MECOM: variants seen among roughly 807,000 people sequenced by gnomAD.
MECOM encodes histone-lysine N-methyltransferase MECOM.
In MECOM, 13 loss-of-function variants were observed where a neutral mutation model predicts 116.3. The ratio of observed to expected loss-of-function variants is 0.11; its 90% confidence interval spans 0.07 to 0.18. The LOEUF is 0.18. Among genes scored for constraint, MECOM ranks in the 10% least tolerant of loss-of-function variants. The pLI, the probability that MECOM is intolerant of heterozygous loss-of-function variation, is 1.00. For missense variants in MECOM, 1,299 were observed against 1,509.0 expected (o/e 0.86, Z 2.31); for synonymous variants, 528 against 535.2 (o/e 0.99, Z 0.19).
At chr3:169,441,741 TTTTAAAAAA>T (rs1743724407) in intron 1 of MECOM, among the ~76,000 whole-genome samples, 1 of 144,136 alleles carries the variant, frequency 6.9e-6, no homozygotes, top group Non-Finnish European at 1.6e-5. Context: ...TTTTTTTTTT[TTTTAAAAAA>T]GGGGGGGTCT....
At chr3:169,344,344 T>A (rs1034332311) in intron 2 of MECOM, among the ~76,000 whole-genome samples, 1 of 152,178 alleles carries the variant, frequency 6.6e-6, no homozygotes, top group Non-Finnish European at 1.5e-5. Flanking sequence ...TAGAGCTAAA[T>A]GTAAACCTTC....
chr3:169,156,121 T>C (rs185450863), intron 2 of MECOM, among the ~76,000 whole-genome samples: 3 of 152,306 alleles, frequency 2.0e-5, no homozygotes, highest in Admixed American at 2.0e-4. Context: ...TCCCTGGAAA[T>C]TGGCTCTGAG....
At chr3:169,479,745 G>A (rs889196225) in intron 1 of MECOM, among the ~76,000 whole-genome samples, 4 of 150,674 alleles carry the variant, frequency 2.7e-5, no homozygotes, top group Non-Finnish European at 5.9e-5. Flanking sequence ...TAAAACTCAT[G>A]CCTAATGTCT....
chr3:169,106,350 G>A (rs912631184), intron 10 of MECOM, among the ~76,000 whole-genome samples: 2 of 152,056 alleles, frequency 1.3e-5, no homozygotes, highest in Non-Finnish European at 2.9e-5. Context: ...TGGGATACAT[G>A]AGATGTTTTC....
chr3:169,346,693 A>G (rs1430857943), intron 2 of MECOM, among the ~76,000 whole-genome samples: 1 of 151,668 alleles, frequency 6.6e-6, no homozygotes, highest in Non-Finnish European at 1.5e-5. Context: ...GCTTAACCTC[A>G]CTCTTACTAT....
intron 2 of MECOM, among the ~76,000 whole-genome samples, chr3:169,265,800 A>G (rs1406338169): frequency 2.0e-5 from 3 of 152,226 alleles, no homozygotes; most frequent in African/African-American, 4.8e-5. Flanking sequence ...CTAATTCTCT[A>G]TAATCCTTTC....
At chr3:169,614,054 ATTC>A (rs763550715) in intron 1 of MECOM, among the ~76,000 whole-genome samples, 3 of 151,590 alleles carry the variant, frequency 2.0e-5, no homozygotes, top group Non-Finnish European at 1.5e-5. Context: ...TCACCATAAG[ATTC>A]TTCATTCACT....
At chr3:169,206,126 A>G (rs765690669) in intron 2 of MECOM, among the ~76,000 whole-genome samples, 1 of 152,134 alleles carries the variant, frequency 6.6e-6, no homozygotes, top group Non-Finnish European at 1.5e-5. Flanking sequence ...AATCTCATCC[A>G]GAGAATATCT....
intron 2 of MECOM, among the ~76,000 whole-genome samples, chr3:169,267,728 A>G (rs999009334): frequency 1.3e-5 from 2 of 151,880 alleles, no homozygotes; most frequent in African/African-American, 2.4e-5. Flanking sequence ...TGTGATAGAA[A>G]AGACAAAAGG....
intron 2 of MECOM, among the ~76,000 whole-genome samples, chr3:169,175,060 A>G (rs757489047): frequency 6.6e-6 from 1 of 152,128 alleles, no homozygotes; most frequent in Non-Finnish European, 1.5e-5. Context: ...CTGTGTTCCA[A>G]TCCCACCTCT....
rs71166250 is a variant in MECOM at position 169,191,740 on chromosome 3, G to GAGAAAGAAAGAAAGAAAGAA, written c.376-47928_376-47909dup. 4.5e-3 allele frequency among the ~76,000 whole-genome samples: 288 copies of GAGAAAGAAAGAAAGAAAGAA among 64,266 alleles called. 1 individual carries two copies. The highest frequency in any genetic ancestry group is 0.016 in the Middle Eastern group (2 of 122). The allele number at this position is 64,266 out of a possible 152,430, so 42.2% of individuals were successfully genotyped here. ...AGAAAAAAAGAAAGAAAGAAAGAAA[G>GAGAAAGAAAGAAAGAAAGAA]AGAAAGAAAGAAAGAAAGAAAGAAA... On this transcript the variant is annotated intron_variant, in intron 2 of 16. Coordinates refer to ENST00000651503, the MANE Select transcript of MECOM (RefSeq NM_004991.4).
At chr3:169,319,855 C>G (rs369802845) in intron 2 of MECOM, among the ~76,000 whole-genome samples, 1 of 152,188 alleles carries the variant, frequency 6.6e-6, no homozygotes, top group East Asian at 1.9e-4. Flanking sequence ...AGAACCTCAA[C>G]CAGTTAACTG....
At chr3:169,244,432 A>G (rs1755307416) in intron 2 of MECOM, among the ~76,000 whole-genome samples, 1 of 152,110 alleles carries the variant, frequency 6.6e-6, no homozygotes, top group African/African-American at 2.4e-5. Flanking sequence ...CCTGCACCCC[A>G]CTGTGCCTAC....
chr3:169,182,666 C>T (rs1474491839), intron 2 of MECOM, among the ~76,000 whole-genome samples: 1 of 152,170 alleles, frequency 6.6e-6, no homozygotes, highest in Non-Finnish European at 1.5e-5. Context: ...TGATTTAGGA[C>T]ATGAATCAAA....
intron 2 of MECOM, among the ~76,000 whole-genome samples, chr3:169,195,996 T>C (rs1748365990): frequency 6.6e-6 from 1 of 152,020 alleles, no homozygotes; most frequent in Admixed American, 6.6e-5. Flanking sequence ...ACCAATATGC[T>C]CTCTGGCTAA....
At chr3:169,346,397 T>C (rs1344510325) in intron 2 of MECOM, among the ~76,000 whole-genome samples, 2 of 152,112 alleles carry the variant, frequency 1.3e-5, no homozygotes, top group African/African-American at 4.8e-5. Flanking sequence ...TTTGAAAATG[T>C]TGTTTCACAT....
chr3:169,437,735 C>G (rs1165150649), intron 1 of MECOM, among the ~76,000 whole-genome samples: 1 of 152,132 alleles, frequency 6.6e-6, no homozygotes, highest in Non-Finnish European at 1.5e-5. Flanking sequence ...TTCCTTCTCT[C>G]CAGGTGCTAA....
intron 2 of MECOM, among the ~76,000 whole-genome samples, chr3:169,209,667 C>T (rs1750447289): frequency 6.6e-6 from 1 of 152,140 alleles, no homozygotes; most frequent in Admixed American, 6.5e-5. Context: ...TTGTCTCCCG[C>T]CAGTCAGAAT....
intron 1 of MECOM, among the ~76,000 whole-genome samples, chr3:169,553,290 G>T (rs1375887897): frequency 6.6e-6 from 1 of 152,034 alleles, no homozygotes; most frequent in East Asian, 1.9e-4. Context: ...ATTTTAGAAG[G>T]GGATAATAAG....
Sources: allele counts gnomAD v4.1 joint callset (sites outside exome capture counted in the v4.1 genomes callset), GRCh38; gene constraint gnomAD v4.1.1; transcripts MANE v1.5; gene names NCBI Gene and HGNC (gene_info 2026-07-23, HGNC 2026-07-21).